The following RGS6 variants were observed in gnomAD, a reference collection of about 807,000 sequenced individuals.
RGS6 encodes regulator of G protein signaling 6, also known as regulator of G-protein signaling 6.
RGS6 carries 30 observed loss-of-function variants against 78.5 expected under a neutral mutation model. The observed-to-expected ratio is 0.38, with a 90% CI of 0.29 to 0.52. The LOEUF (loss-of-function observed/expected upper bound fraction) is 0.52, where lower values mean the gene tolerates loss of function less well. Ranked by LOEUF, RGS6 falls within the 20% of genes least tolerant of loss-of-function variation. The pLI is 0.85. For missense variants in RGS6, 495 were observed against 609.7 expected, an observed-to-expected ratio of 0.81 and a Z score of 1.98; for synonymous variants, 206 against 206.0, an observed-to-expected ratio of 1.00 and a Z score of 0.00.
upstream of RGS6, among the ~76,000 whole-genome samples, chr14:71,928,337 TGC>T (rs1243014165): frequency 2.6e-5 from 4 of 152,182 alleles, no homozygotes; most frequent in Admixed American, 6.5e-5. Flanking sequence ...ATTGCCAAAA[TGC>T]AAAGAAAAGA....
chr14:71,904,811 A>ATTTGG, the RGS6 span, among the ~76,000 whole-genome samples: 1 of 150,458 alleles, frequency 6.6e-6, no homozygotes, highest in Non-Finnish European at 1.5e-5. Flanking sequence ...TTGAATTTAT[A>ATTTGG]CTTTTCCTGA....
the RGS6 span, among the ~76,000 whole-genome samples, chr14:72,626,925 CTTT>C: frequency 7.2e-6 from 1 of 139,704 alleles, no homozygotes. Flanking sequence ...TGCATTTGAA[CTTT>C]TTTTTTTTTT....
At chr14:72,248,066 G>A (rs1034706957) in intron 2 of RGS6, among the ~76,000 whole-genome samples, 2 of 152,206 alleles carry the variant, frequency 1.3e-5, no homozygotes, top group Admixed American at 6.5e-5. Context: ...CTCTATTTGT[G>A]TTCCCTATCT....
intron 2 of RGS6, among the ~76,000 whole-genome samples, chr14:72,320,267 T>G (rs1355426440): frequency 6.6e-6 from 1 of 152,146 alleles, no homozygotes; most frequent in African/African-American, 2.4e-5. Flanking sequence ...GAGAAGATGA[T>G]TCCCATGAGT....
Position 72,080,309 on chromosome 14 carries a change from T to C in RGS6, c.84+115434T>C, listed in dbSNP as rs548126963. On this transcript the variant is annotated intron_variant, in intron 2 of 17. Transcript: ENST00000553525. ...TGTTATTTTTTTTTCATATACCTGT[T>C]GGCCATTCATATGTCTTCTTTTGAG... Among the ~76,000 whole-genome samples the C allele has an allele frequency of 1.7e-4, 26 of 152,308 alleles. No homozygotes were observed. In the South Asian group the frequency reaches 5.0e-3, roughly 29 times the overall value.
chr14:72,518,135 G>A (rs2096978432), intron 14 of RGS6, among the ~76,000 whole-genome samples: 1 of 152,224 alleles, frequency 6.6e-6, no homozygotes, highest in South Asian at 2.1e-4. Flanking sequence ...GAAGCACATT[G>A]ATCTTTTAAT....
chr14:71,953,913 T>A (rs2153004608), intron 1 of RGS6, among the ~76,000 whole-genome samples: 1 of 151,896 alleles, frequency 6.6e-6, no homozygotes, highest in African/African-American at 2.4e-5. Flanking sequence ...TGAAAGTCTT[T>A]ATTTTTTCTC....
chr14:72,237,923 C>G (rs2051587126), intron 2 of RGS6, among the ~76,000 whole-genome samples: 1 of 151,134 alleles, frequency 6.6e-6, no homozygotes, highest in Non-Finnish European at 1.5e-5. Flanking sequence ...AGCTCAGTGG[C>G]AAGTCAGGGT....
chr14:72,102,146 A>G (rs1016672075), intron 2 of RGS6, among the ~76,000 whole-genome samples: 4 of 152,224 alleles, frequency 2.6e-5, no homozygotes, highest in Non-Finnish European at 5.9e-5. Context: ...GGTATATTGA[A>G]GACATCTCTC....
the RGS6 span, among the ~76,000 whole-genome samples, chr14:72,626,641 A>T: frequency 6.6e-6 from 1 of 152,140 alleles, no homozygotes; most frequent in Non-Finnish European, 1.5e-5. Context: ...ATGCTACCAC[A>T]AATAACCTTA....
intron 2 of RGS6, among the ~76,000 whole-genome samples, chr14:72,195,745 C>T (rs1033025917): frequency 5.3e-5 from 8 of 152,172 alleles, no homozygotes; most frequent in Non-Finnish European, 7.3e-5. Context: ...AGCTATTTGA[C>T]GGTGGTGTGT....
In RGS6 at chr14:71,945,907, G is replaced by A. The variant is rs191260257; in HGVS notation, c.-21+12966G>A. On this transcript the variant is annotated intron_variant, in intron 1 of 17. Transcript: ENST00000553525. ...TTTTGAGCTGGCTGTATTTTATGGT[G>A]TGACCTCTGTAGAAAAAAAAGATTA... Among the ~76,000 whole-genome samples, 8 of 152,188 alleles carry A rather than the reference G, an allele frequency of 5.3e-5. No homozygotes were observed. In the East Asian group the frequency reaches 1.5e-3, roughly 29 times the overall value.
At position 72,306,219 on chromosome 14, in the gene RGS6, G is replaced by T. The variant is rs796691354; in HGVS notation, c.85-45876G>T. The stretch of plus-strand genomic sequence containing the variant: ...ATTTATTGAATATTTTAAGACCACT[G>T]TTGAGACCTACTGCTCAAAAACAAA... On this transcript the variant is annotated intron_variant, in intron 2 of 17. Coordinates refer to ENST00000553525, the MANE Select transcript of RGS6 (RefSeq NM_001204424.2). 2.0e-4 allele frequency among the ~76,000 whole-genome samples: 30 copies of T among 152,322 alleles called. 1 individual carries two copies. The highest frequency in any genetic ancestry group is 6.5e-4 in the African/African-American group (27 of 41,562).
At chr14:72,594,860 G>A in the RGS6 span, 2 of 152,016 alleles carry the variant, frequency 1.3e-5, no homozygotes, top group Non-Finnish European at 2.9e-5. Context: ...ACCATCACAG[G>A]GTGACTTGTG....
intron 3 of RGS6, among the ~76,000 whole-genome samples, chr14:72,436,260 ATTTG>A (rs1215849999): frequency 2.7e-5 from 4 of 147,954 alleles, no homozygotes; most frequent in Non-Finnish European, 3.0e-5. Flanking sequence ...CTGCCATCTT[ATTTG>A]TTTTTTTTTT....
chr14:72,422,576 G>A (rs1011549716), intron 3 of RGS6, among the ~76,000 whole-genome samples: 5 of 152,168 alleles, frequency 3.3e-5, no homozygotes, highest in Non-Finnish European at 5.9e-5. Flanking sequence ...GCCAGCCCAA[G>A]AGACTGGGAG....
chr14:72,238,749 C>T (rs1461685607), intron 2 of RGS6, among the ~76,000 whole-genome samples: 2 of 152,128 alleles, frequency 1.3e-5, no homozygotes, highest in African/African-American at 4.8e-5. Flanking sequence ...CTTTCTCTGC[C>T]ACTCCCAGCT....
intron 2 of RGS6, among the ~76,000 whole-genome samples, chr14:72,098,661 A>G (rs924129229): frequency 2.6e-5 from 4 of 152,210 alleles, no homozygotes; most frequent in African/African-American, 7.2e-5. Flanking sequence ...GTTTCCCTCA[A>G]AAATTTGGAA....
chr14:72,303,554 C>T (rs2066571232), intron 2 of RGS6, among the ~76,000 whole-genome samples: 1 of 152,130 alleles, frequency 6.6e-6, no homozygotes, highest in South Asian at 2.1e-4. Flanking sequence ...TAGATTCCCC[C>T]ATGAGTTTCT....
Sources: allele counts gnomAD v4.1 joint callset (sites outside exome capture counted in the v4.1 genomes callset), GRCh38; gene constraint gnomAD v4.1.1; transcripts MANE v1.5; gene names NCBI Gene and HGNC (gene_info 2026-07-23, HGNC 2026-07-21).